ICE2: variants seen among roughly 807,000 people sequenced by gnomAD.
The protein encoded by ICE2 is interactor of little elongation complex ELL subunit 2.
ICE2 carries 87 observed loss-of-function variants against 105.4 expected under a neutral mutation model. The ratio of observed to expected loss-of-function variants is 0.83; its 90% CI spans 0.69 to 0.99. ICE2 has a LOEUF of 0.99. ICE2 is among the 50% of genes least tolerant of loss of function. ICE2 has a pLI of 0.00. For missense variants in ICE2, 1,323 were observed against 1,146.7 expected, an observed-to-expected ratio of 1.15 and a Z score of -2.22; for synonymous variants, 399 against 392.0, an observed-to-expected ratio of 1.02 and a Z score of -0.21.
chr15:60,454,587 G>T (rs555037572), intron 8 of ICE2: 1 of 154,484 alleles, frequency 6.5e-6, no homozygotes, highest in South Asian at 2.1e-4. Flanking sequence ...AAGTTTCACT[G>T]AATGTGTCAA....
intron 5 of ICE2, among the ~76,000 whole-genome samples, chr15:60,459,101 G>A (rs964590382): frequency 2.0e-5 from 3 of 152,088 alleles, no homozygotes; most frequent in Non-Finnish European, 2.9e-5. Context: ...TGGTGAAAAC[G>A]GTAAATTTTG....
chr15:60,434,520 TACACACACACACACACACACACAC>T (rs71122858), intron 13 of ICE2, among the ~76,000 whole-genome samples: 10 of 144,902 alleles, frequency 6.9e-5, no homozygotes, highest in Admixed American at 2.1e-4. Context: ...AAAATGTGAT[TACACACACACACACACACACACAC>T]ACACACACAC....
chr15:60,476,257 T>A, intron 2 of ICE2, 90 bp from the exon 3 acceptor site: 1 of 755,426 alleles, frequency 1.3e-6, no homozygotes, highest in South Asian at 1.6e-5. Context: ...ACTTACAATT[T>A]CATACCTTCT....
Position 60,449,616 on chromosome 15 carries a change from C to T in ICE2, c.1351G>A (p.Ala451Thr). ...TVAPSAPDIS[A>T]NSRSLSQILM... ...ATCTGAGATAAACTTCTAGAATTAG[C>T]AGAAATGTCTGGTGCACTTGGTGCC... is the stretch of plus-strand genomic sequence containing the variant. The change falls in exon 10 of 16, where the codon GCT becomes ACT. Residue 451 changes from alanine (A) to threonine (T), a missense_variant. Ala to Thr is a moderately conservative substitution (Grantham distance 58, BLOSUM62 0). Transcript: ENST00000261520. The T allele has an allele frequency of 6.2e-7, 1 of 1,614,130 alleles. No individual in the cohort carries two copies. Among genetic ancestry groups the T allele is most frequent in the Non-Finnish European group, 8.5e-7 (1 of 1,180,028 alleles).
Position 60,455,303 on chromosome 15 carries a change from T to A in ICE2, c.783+23A>T, listed in dbSNP as rs1443828121. On this transcript the variant is annotated intron_variant, in intron 7 of 15. Transcript: ENST00000261520. ...AGATATAAAAGATTATTTAGGAAGA[T>A]CCAATGTTGCCTTGGTACTTACATA... 3.3e-5 allele frequency: 52 copies of A among 1,565,352 alleles called. 2 individuals carry two copies. The East Asian group carries it at 1.2e-3, about 35-fold the overall frequency.
intron 13 of ICE2, among the ~76,000 whole-genome samples, chr15:60,433,091 T>C (rs557993711): frequency 1.3e-5 from 2 of 150,956 alleles, no homozygotes; most frequent in South Asian, 2.1e-4. Context: ...ACACAGGTTT[T>C]TTTTTTTTTT....
At chr15:60,465,433 T>C (rs1355188295) in intron 5 of ICE2, among the ~76,000 whole-genome samples, 1 of 152,192 alleles carries the variant, frequency 6.6e-6, no homozygotes, top group African/African-American at 2.4e-5. Flanking sequence ...TCAATCCTTC[T>C]GCCTCGGCCT....
chr15:60,450,986 A>G (rs1323768620), intron 9 of ICE2: 2 of 193,784 alleles, frequency 1.0e-5, no homozygotes, highest in Admixed American at 1.3e-4. Flanking sequence ...AGATAAAAAG[A>G]GGAAGAATAG....
chr15:60,429,095 C>G (rs2063400093), intron 14 of ICE2, among the ~76,000 whole-genome samples: 1 of 151,908 alleles, frequency 6.6e-6, no homozygotes, highest in Non-Finnish European at 1.5e-5. Context: ...TGACTAGATA[C>G]AAAAGTGAAG....
At position 60,454,992 on chromosome 15, in the gene ICE2, A is replaced by G. The variant is rs2064064426; in HGVS notation, c.943+11T>C. Reference sequence around the variant, plus strand: ...TTTTGAGAGCATTATTTGACATAGCAAATTACAAACCTGCAACAGGTATTA... The same window carrying G: ...TTTTGAGAGCATTATTTGACATAGCGAATTACAAACCTGCAACAGGTATTA... On this transcript the variant is annotated intron_variant, in intron 8 of 15. Coordinates refer to ENST00000261520, the MANE Select transcript of ICE2 (RefSeq NM_024611.6). 1.3e-6 allele frequency: 2 copies of G among 1,532,984 alleles called. No individual in the cohort carries two copies. The highest frequency in any genetic ancestry group is 2.4e-5 in the Admixed American group (1 of 42,184). 95.0% of individuals were successfully genotyped at this position (1,532,984 alleles called of 1,614,324 possible).
intron 5 of ICE2, among the ~76,000 whole-genome samples, chr15:60,457,004 G>T (rs762699128): frequency 6.2e-4 from 95 of 152,026 alleles, no homozygotes; most frequent in Non-Finnish European, 7.1e-4. Context: ...AAAATTAGCA[G>T]TCTCATTAAA....
At chr15:60,463,781 A>G (rs2141126629) in intron 5 of ICE2, among the ~76,000 whole-genome samples, 1 of 151,924 alleles carries the variant, frequency 6.6e-6, no homozygotes, top group South Asian at 2.1e-4. Context: ...TTAAAAAAAG[A>G]AAAAAAAATC....
At chr15:60,478,533 G>T (rs1344020845) in intron 1 of ICE2, 2 of 198,880 alleles carry the variant, frequency 1.0e-5, no homozygotes, top group Non-Finnish European at 2.1e-5. Context: ...GAAGACTTGA[G>T]GTCAACTTAA....
intron 3 of ICE2, among the ~76,000 whole-genome samples, chr15:60,475,541 T>C (rs1396324112): frequency 1.3e-5 from 2 of 152,096 alleles, no homozygotes; most frequent in Admixed American, 1.3e-4. Flanking sequence ...ATAGGCTATA[T>C]AGTGAGGTAA....
chr15:60,434,773 G>C (rs1383571748), intron 13 of ICE2, among the ~76,000 whole-genome samples: 1 of 152,160 alleles, frequency 6.6e-6, no homozygotes, highest in Non-Finnish European at 1.5e-5. Flanking sequence ...ATGGATGGGA[G>C]AAATGAGAAG....
intron 13 of ICE2, among the ~76,000 whole-genome samples, chr15:60,435,378 T>A (rs2063560972): frequency 1.3e-5 from 2 of 152,018 alleles, no homozygotes; most frequent in African/African-American, 4.8e-5. Context: ...GGCAGGAGGA[T>A]CACCCGAGGT....
In ICE2 at chr15:60,428,543, G is replaced by C; in HGVS notation, c.2706C>G (p.Leu902=). 4 of 1,614,162 alleles carry C rather than the reference G, an allele frequency of 2.5e-6. No homozygotes were observed. In the South Asian group the frequency reaches 3.3e-5, roughly 13 times the overall value. The change falls in exon 15 of 16, where the codon CTC becomes CTG. Residue 902 remains leucine, a synonymous_variant. Coordinates refer to ENST00000261520, the MANE Select transcript of ICE2 (RefSeq NM_024611.6). ...GATCTAATGGGACCCAGGGAACTGA[G>C]AGACTGGAAGGTACACCAGGAAGGC... ...HCGLPGVPSS[L]SVPWVPLDPS...
rs551722643 is a variant in ICE2 at position 60,454,158 on chromosome 15, G to C, written c.944-374C>G. On this transcript the variant is annotated intron_variant, in intron 8 of 15. Coordinates refer to ENST00000261520, the MANE Select transcript of ICE2 (RefSeq NM_024611.6). The stretch of plus-strand genomic sequence containing the variant: ...TTGTAGTTTTGTTTCAATAGACATA[G>C]TCTTTCATTTATTGTATTTATGCTG... 2.0e-5 allele frequency among the ~76,000 whole-genome samples: 3 copies of C among 152,162 alleles called. 1 individual carries two copies. In the South Asian group the frequency reaches 6.2e-4, roughly 32 times the overall value.
In ICE2 at chr15:60,428,703, G is replaced by C. The variant is rs550601822; in HGVS notation, c.2562-16C>G. The C allele has an allele frequency of 2.0e-5, 32 of 1,609,176 alleles. No homozygotes were observed. In the South Asian group the frequency reaches 3.1e-4, roughly 16 times the overall value. On this transcript the variant is annotated splice_polypyrimidine_tract_variant and intron_variant, in intron 14 of 15. Coordinates refer to ENST00000261520, the MANE Select transcript of ICE2 (RefSeq NM_024611.6). Reference sequence around the variant, plus strand: ...CTCCTGCAAGCTAAATTCACACAATGAAACTCAACCCACTGGCTCACTGTG... The same window carrying C: ...CTCCTGCAAGCTAAATTCACACAATCAAACTCAACCCACTGGCTCACTGTG...
Sources: gnomAD v4.1 joint callset for allele counts (sites outside exome capture counted in the v4.1 genomes callset) on GRCh38, gnomAD v4.1.1 for gene constraint, MANE v1.5 for transcripts, NCBI Gene and HGNC (gene_info 2026-07-23, HGNC 2026-07-21) for gene names.